Variants in CCDC88C observed in about 807,000 individuals in gnomAD.
CCDC88C encodes the protein coiled-coil and HOOK domain protein 88C, also known as protein Daple.
Under a neutral mutation model 198.8 loss-of-function variants are expected in CCDC88C, and 131 were observed. The ratio of observed to expected loss-of-function variants is 0.66; its 90% CI spans 0.57 to 0.76. CCDC88C has a LOEUF of 0.76. CCDC88C is among the 30% of genes least tolerant of loss of function. The probability of loss-of-function intolerance (pLI) is 0.00; values close to 1 mark genes in which losing one functional copy is unlikely to be tolerated. For synonymous variants in CCDC88C, 1,166 were observed against 1,114.7 expected (o/e 1.05, Z -0.92); for missense variants, 2,553 against 2,631.6 (o/e 0.97, Z 0.65).
At chr14:91,366,349 A>C (rs963503552) in intron 3 of CCDC88C, among the ~76,000 whole-genome samples, 2 of 152,112 alleles carry the variant, frequency 1.3e-5, no homozygotes, top group South Asian at 4.1e-4. Flanking sequence ...AGCCAGGCAC[A>C]GTGGCATGTG....
intron 3 of CCDC88C, among the ~76,000 whole-genome samples, chr14:91,404,823 G>C (rs1254988442): frequency 6.6e-6 from 1 of 152,102 alleles, no homozygotes; most frequent in Non-Finnish European, 1.5e-5. Flanking sequence ...AAATTAGCCA[G>C]GAGTGGTGGC....
chr14:91,272,881 G>A lies in CCDC88C; in HGVS notation c.5831C>T (p.Pro1944Leu), dbSNP rs1405980024. The change falls in exon 30 of 30, where the codon CCC becomes CTC. Residue 1944 changes from proline (P) to leucine (L), a missense_variant. By Grantham distance (98) the Pro-to-Leu change is moderately conservative. Around this residue, in one of 2 missense-constraint regions of CCDC88C, gnomAD observed 1,293 missense variants for 1,219.6 expected, o/e 1.06. Transcript: ENST00000389857. The stretch of plus-strand genomic sequence containing the variant: ...GGTGGCCACCTCCCCTGAGCGTGGG[G>A]GCGCCTTGGGCTTGGTCCTGGCAGC... Reference protein sequence around the residue: ...APAARTKPKAPPRSGEVATIT... With the variant: ...APAARTKPKALPRSGEVATIT... 1.9e-6 allele frequency: 3 copies of A among 1,588,470 alleles called. No homozygotes were observed. Among genetic ancestry groups the A allele is most frequent in the Non-Finnish European group, 2.6e-6 (3 of 1,170,892 alleles).
Position 91,284,330 on chromosome 14 carries a change from C to T in CCDC88C, c.4442-813G>A, listed in dbSNP as rs887879133. On this transcript the variant is annotated intron_variant, in intron 25 of 29. Transcript: ENST00000389857. This position sits in a 1 kb window ranked among gnomAD's most constrained non-coding sequence, Gnocchi z 4.1. ...GCTTCTCCACCCATCAAGCCGTCTGCCCTCCCAGCCACTCAAAGTCTGGGC... is the reference window on the plus strand; with the variant it reads ...GCTTCTCCACCCATCAAGCCGTCTGTCCTCCCAGCCACTCAAAGTCTGGGC... Among the ~76,000 whole-genome samples the T allele has an allele frequency of 2.0e-5, 3 of 152,216 alleles. No individual in the cohort carries two copies. Among genetic ancestry groups the T allele is most frequent in the Non-Finnish European group, 2.9e-5 (2 of 68,034 alleles).
chr14:91,285,614 TGAA>T, intron 25 of CCDC88C: 1 of 1,247,182 alleles, frequency 8.0e-7, no homozygotes, highest in Non-Finnish European at 1.0e-6. Context: ...TTTGTTTGTT[TGAA>T]TTTCGGAAAT....
chr14:91,307,912 A>G (rs538260852), intron 17 of CCDC88C, among the ~76,000 whole-genome samples: 31 of 152,380 alleles, frequency 2.0e-4, no homozygotes, highest in African/African-American at 7.5e-4. Flanking sequence ...CTATATGTGT[A>G]TGGAAAGTGT....
At chr14:91,300,331 A>C (rs1373394023) in intron 20 of CCDC88C, among the ~76,000 whole-genome samples, 1 of 152,162 alleles carries the variant, frequency 6.6e-6, no homozygotes, top group East Asian at 1.9e-4. Context: ...CCATGCCCTG[A>C]TAAAGCAGTC....
chr14:91,370,714 T>A (rs567560927), intron 3 of CCDC88C, among the ~76,000 whole-genome samples: 97 of 151,724 alleles, frequency 6.4e-4, no homozygotes, highest in African/African-American at 2.3e-3. Flanking sequence ...CAACCACAGG[T>A]GCGGATGGTG....
At chr14:91,342,934 T>C (rs1893368409) in intron 5 of CCDC88C, among the ~76,000 whole-genome samples, 1 of 152,178 alleles carries the variant, frequency 6.6e-6, no homozygotes, top group African/African-American at 2.4e-5. Flanking sequence ...AGACAATATG[T>C]AAAGGTGGGC....
chr14:91,385,664 T>C (rs1308877403), intron 3 of CCDC88C, among the ~76,000 whole-genome samples: 2 of 152,062 alleles, frequency 1.3e-5, no homozygotes, highest in Admixed American at 6.6e-5. Flanking sequence ...TATTCCAGGG[T>C]TTTAAAAGCC....
rs1894980871 is a variant in CCDC88C at position 91,374,427 on chromosome 14, G to A, written c.271-14716C>T. 2.6e-5 allele frequency among the ~76,000 whole-genome samples: 4 copies of A among 152,250 alleles called. No individual in the cohort carries two copies. The South Asian group carries it at 8.3e-4, about 32-fold the overall frequency. On this transcript the variant is annotated intron_variant, in intron 3 of 29. Coordinates refer to ENST00000389857, the MANE Select transcript of CCDC88C (RefSeq NM_001080414.4). ...AAAGAGGTAAATATATGTCACATGT[G>A]TGTGTTAAGAAGCAAAATAAAGGAA...
At chr14:91,326,604 C>G (rs1892595755) in intron 10 of CCDC88C, among the ~76,000 whole-genome samples, 1 of 152,134 alleles carries the variant, frequency 6.6e-6, no homozygotes, top group South Asian at 2.1e-4. Flanking sequence ...GGGAATAGTG[C>G]CAAGGCTTTG....
intron 28 of CCDC88C, among the ~76,000 whole-genome samples, 190 bp downstream of exon 28, chr14:91,279,048 T>G (rs1890089537): frequency 6.6e-6 from 1 of 151,924 alleles, no homozygotes; most frequent in Non-Finnish European, 1.5e-5. Context: ...ACCACAGGCA[T>G]GCGCCACCAC....
chr14:91,343,640 T>C lies in CCDC88C; in HGVS notation c.358A>G (p.Ile120Val), dbSNP rs201675394. ...DPLSGKSMEE[I>V]KKVLLLVLGC... is the part of the protein sequence containing the mutation. ...AGCACCAGCAGCAGCACCTTCTTGA[T>C]TTCCTCCATGCTCTTCCCTAGATCA... is the stretch of plus-strand genomic sequence containing the variant. The change falls in exon 5 of 30, where the codon ATC (isoleucine) becomes GTC (valine). Residue 120 changes from isoleucine (I) to valine (V), a missense_variant. Physicochemically the swap from Ile to Val is conservative, Grantham distance 29. This residue lies in a region of CCDC88C where 1,260 missense variants were observed against 1,412.0 expected (regional missense o/e 0.89). Transcript: ENST00000389857. 351 of 1,613,634 alleles carry C rather than the reference T, an allele frequency of 2.2e-4. 2 individuals carry two copies. The highest frequency in any genetic ancestry group is 5.0e-5 in the Admixed American group (3 of 59,990).
At chr14:91,293,597 G>GCCCCCTCGCCTGCCACA (rs1890863923) in intron 23 of CCDC88C, among the ~76,000 whole-genome samples, 3 of 80,544 alleles carry the variant, frequency 3.7e-5, no homozygotes, top group Non-Finnish European at 5.9e-5. Flanking sequence ...CGCCTGCCAT[G>GCCCCCTCGCCTGCCACA]GCCCACCTCC....
In CCDC88C at chr14:91,305,917, G is replaced by T; in HGVS notation, c.3205C>A (p.Leu1069Met). 2.5e-6 allele frequency: 4 copies of T among 1,613,278 alleles called. No homozygotes were observed. The highest frequency in any genetic ancestry group is 3.4e-6 in the Non-Finnish European group (4 of 1,179,796). Residue 1069 changes from leucine (L) to methionine (M), a missense_variant, in exon 19 of 30, where the codon CTG becomes ATG. Transcript: ENST00000389857. Reference sequence around the variant, plus strand: ...TTTAGCAGCTGCTTCTCAGCCTGCAGAGCTGCATTCTAGAAGATCGGGAGG... The same window carrying T: ...TTTAGCAGCTGCTTCTCAGCCTGCATAGCTGCATTCTAGAAGATCGGGAGG... ...AIELERNNAALQAEKQLLKEQ... is the reference protein window; with the variant it reads ...AIELERNNAAMQAEKQLLKEQ...
chr14:91,358,217 T>G (rs1173602338), intron 4 of CCDC88C, among the ~76,000 whole-genome samples: 1 of 152,172 alleles, frequency 6.6e-6, no homozygotes, highest in Non-Finnish European at 1.5e-5. Flanking sequence ...TGAACTCTTC[T>G]AAAGTCTCAA....
chr14:91,309,914 T>G lies in CCDC88C; in HGVS notation c.2809A>C (p.Lys937Gln). The G allele has an allele frequency of 1.2e-6, 2 of 1,610,556 alleles. No homozygotes were observed. Among genetic ancestry groups the G allele is most frequent in the Non-Finnish European group, 1.7e-6 (2 of 1,178,438 alleles). ...AGCAGCTCCCTGTTGAGGCCGACCT[T>G]CTCCAGTTCCTGGCTCAGCTTGTCC... ...ELDKLSQELE[K>Q]VGLNRELLLQ... The change falls in exon 16 of 30, where the codon AAG (lysine) becomes CAG (glutamine). Residue 937 changes from lysine (K) to glutamine (Q), a missense_variant. By Grantham distance (53) the Lys-to-Gln change is moderately conservative. This residue lies in a region of CCDC88C where 1,260 missense variants were observed against 1,412.0 expected (regional missense o/e 0.89). Coordinates refer to ENST00000389857, the MANE Select transcript of CCDC88C (RefSeq NM_001080414.4).
intron 3 of CCDC88C, among the ~76,000 whole-genome samples, chr14:91,402,290 A>T (rs1949095935): frequency 6.6e-6 from 1 of 152,114 alleles, no homozygotes; most frequent in African/African-American, 2.4e-5. Context: ...CAACAACAAC[A>T]ACAACAAAAA....
chr14:91,353,987 T>C (rs1893927476), intron 4 of CCDC88C, among the ~76,000 whole-genome samples: 1 of 152,188 alleles, frequency 6.6e-6, no homozygotes, highest in African/African-American at 2.4e-5. Context: ...TGGCTTACTG[T>C]CCACAAAAGT....
Sources: allele counts gnomAD v4.1 joint callset (sites outside exome capture counted in the v4.1 genomes callset), GRCh38; gene constraint gnomAD v4.1.1; regional missense constraint gnomAD v4.1.1; non-coding constraint Gnocchi (gnomAD v3.1); transcripts MANE v1.5; gene names NCBI Gene and HGNC (gene_info 2026-07-23, HGNC 2026-07-21).